DPYD: variants seen among roughly 807,000 people sequenced by gnomAD.
DPYD encodes the protein dihydropyrimidine dehydrogenase [NADP(+)].
In DPYD, 109 loss-of-function variants were observed where a neutral mutation model predicts 116.2. The observed-to-expected ratio is 0.94, with a 90% CI of 0.80 to 1.10. The LOEUF is 1.10. DPYD is among the 50% of genes least tolerant of loss of function. The pLI, the probability that DPYD is intolerant of heterozygous loss-of-function variation, is 0.00. For synonymous variants in DPYD, 440 were observed against 432.0 expected, an observed-to-expected ratio of 1.02 and a Z score of -0.23; for missense variants, 1,302 against 1,254.5, an observed-to-expected ratio of 1.04 and a Z score of -0.57.
At chr1:97,631,024 G>A (rs559241027) in intron 8 of DPYD, among the ~76,000 whole-genome samples, 2 of 152,176 alleles carry the variant, frequency 1.3e-5, no homozygotes, top group Admixed American at 1.3e-4. Flanking sequence ...AGAAATGGAG[G>A]TAGTTGAAAC....
chr1:97,894,699 T>G (rs566066909), intron 1 of DPYD, among the ~76,000 whole-genome samples: 42 of 151,796 alleles, frequency 2.8e-4, no homozygotes, highest in Non-Finnish European at 5.5e-4. Context: ...TATATACTGT[T>G]TGTATATTTT....
chr1:97,222,633 C>A (rs1457068494), intron 19 of DPYD, among the ~76,000 whole-genome samples: 1 of 152,016 alleles, frequency 6.6e-6, no homozygotes, highest in East Asian at 1.9e-4. Context: ...TGATAACTGA[C>A]ACAGCAATTA....
At chr1:97,091,461 T>C (rs1193580795) in intron 21 of DPYD, among the ~76,000 whole-genome samples, 2 of 152,118 alleles carry the variant, frequency 1.3e-5, no homozygotes, top group Non-Finnish European at 2.9e-5. Context: ...TGCCTGGGTG[T>C]GTGCTAAAAA....
At chr1:97,504,429 A>C (rs1679766800) in intron 13 of DPYD, among the ~76,000 whole-genome samples, 1 of 151,930 alleles carries the variant, frequency 6.6e-6, no homozygotes, top group African/African-American at 2.4e-5. Context: ...AAGTAATGTG[A>C]AGTCACCTTA....
intron 20 of DPYD, among the ~76,000 whole-genome samples, chr1:97,116,097 C>A (rs987377449): frequency 2.2e-4 from 33 of 152,024 alleles, no homozygotes; most frequent in Non-Finnish European, 4.4e-5. Flanking sequence ...CTATTTGCAG[C>A]TCTCAAAGAA....
At chr1:97,126,558 C>T (rs893967574) in intron 20 of DPYD, among the ~76,000 whole-genome samples, 1 of 152,110 alleles carries the variant, frequency 6.6e-6, no homozygotes, top group Non-Finnish European at 1.5e-5. Flanking sequence ...TGTCCTAGGT[C>T]CCACCTTGAT....
intron 21 of DPYD, among the ~76,000 whole-genome samples, chr1:97,087,853 C>A (rs184056413): frequency 1.2e-4 from 19 of 152,054 alleles, no homozygotes; most frequent in African/African-American, 4.6e-4. Context: ...AGGAGTCAAA[C>A]AGTTCTCTCT....
chr1:97,339,114 C>G (rs938242937), intron 16 of DPYD, among the ~76,000 whole-genome samples: 3 of 151,244 alleles, frequency 2.0e-5, no homozygotes, highest in African/African-American at 7.3e-5. Flanking sequence ...AATTAACTGT[C>G]TGGATGACCA....
intron 13 of DPYD, among the ~76,000 whole-genome samples, chr1:97,506,036 C>T (rs1411804611): frequency 6.6e-6 from 1 of 151,958 alleles, no homozygotes; most frequent in East Asian, 1.9e-4. Context: ...GTTAGTGACA[C>T]TTTATTTCTC....
At chr1:97,110,938 CG>C (rs1179327247) in intron 20 of DPYD, among the ~76,000 whole-genome samples, 1 of 151,818 alleles carries the variant, frequency 6.6e-6, no homozygotes, top group East Asian at 1.9e-4. Flanking sequence ...TAGGCTGAGG[CG>C]GGAGGATAAC....
At chr1:97,526,059 C>T (rs1264130134) in intron 12 of DPYD, among the ~76,000 whole-genome samples, 1 of 151,112 alleles carries the variant, frequency 6.6e-6, no homozygotes, top group Non-Finnish European at 1.5e-5. Context: ...GATTCACCAA[C>T]ATCACACTTT....
chr1:97,312,374 T>C (rs1667572050), intron 16 of DPYD, among the ~76,000 whole-genome samples: 1 of 151,858 alleles, frequency 6.6e-6, no homozygotes, highest in South Asian at 2.1e-4. Flanking sequence ...TATAAAAATG[T>C]AAAGCTCATC....
At chr1:97,777,716 G>T (rs1666493538) in intron 3 of DPYD, among the ~76,000 whole-genome samples, 1 of 152,224 alleles carries the variant, frequency 6.6e-6, no homozygotes, top group Non-Finnish European at 1.5e-5. Flanking sequence ...ATGCTTTAAT[G>T]TTGATATATG....
chr1:97,748,478 A>G (rs548636373), intron 3 of DPYD, among the ~76,000 whole-genome samples: 2 of 152,216 alleles, frequency 1.3e-5, no homozygotes, highest in East Asian at 3.9e-4. Flanking sequence ...GCGTGGTGGC[A>G]CGCACCTGTA....
At chr1:97,292,243 T>A (rs1402605431) in intron 18 of DPYD, among the ~76,000 whole-genome samples, 1 of 152,138 alleles carries the variant, frequency 6.6e-6, no homozygotes, top group Admixed American at 6.5e-5. Flanking sequence ...TCTGTTCTCA[T>A]GCTGCTATTA....
chr1:97,429,891 G>C (rs567990146), intron 14 of DPYD, among the ~76,000 whole-genome samples: 1 of 151,824 alleles, frequency 6.6e-6, no homozygotes, highest in East Asian at 1.9e-4. Context: ...GAGAAGGGGG[G>C]GTAATCAATA....
At chr1:97,285,949 T>C (rs544847388) in intron 18 of DPYD, among the ~76,000 whole-genome samples, 160 of 152,326 alleles carry the variant, frequency 1.1e-3, no homozygotes, top group African/African-American at 3.8e-3. Flanking sequence ...ATGTGTGAAT[T>C]TGATCCTGTC....
At chr1:97,105,787 A>T (rs1413180302) in intron 20 of DPYD, among the ~76,000 whole-genome samples, 2 of 152,148 alleles carry the variant, frequency 1.3e-5, no homozygotes, top group Non-Finnish European at 2.9e-5. Flanking sequence ...ATTAATTCCA[A>T]CTCAGAGGTT....
At chr1:97,516,833 TC>T (rs1215539076) in intron 12 of DPYD, among the ~76,000 whole-genome samples, 1 of 151,930 alleles carries the variant, frequency 6.6e-6, no homozygotes, top group African/African-American at 2.4e-5. Flanking sequence ...CATTCCTCCC[TC>T]CCCTTCTCTC....
Sources: gnomAD v4.1 joint callset for allele counts (sites outside exome capture counted in the v4.1 genomes callset) on GRCh38, gnomAD v4.1.1 for gene constraint, MANE v1.5 for transcripts, NCBI Gene and HGNC (gene_info 2026-07-23, HGNC 2026-07-21) for gene names.